NCK2: variants seen among roughly 807,000 people sequenced by gnomAD.
NCK2 encodes cytoplasmic protein NCK2.
In NCK2, 16 loss-of-function variants were observed where a neutral mutation model predicts 33.9. The observed-to-expected ratio is 0.47, with a 90% CI of 0.32 to 0.72. NCK2 has a LOEUF of 0.72. NCK2 is among the 30% of genes least tolerant of loss of function. NCK2 has a pLI of 0.03. For synonymous variants in NCK2, 273 were observed against 239.9 expected (o/e 1.14, Z -1.27); for missense variants, 418 against 537.3 (o/e 0.78, Z 2.19).
intron 1 of NCK2, among the ~76,000 whole-genome samples, chr2:105,776,564 G>A (rs1001137512): frequency 6.6e-6 from 1 of 152,150 alleles, no homozygotes; most frequent in Non-Finnish European, 1.5e-5. Flanking sequence ...GGCCTGGCAG[G>A]GGACCTCTAT....
At chr2:105,750,918 A>G (rs1297686444) in intron 1 of NCK2, among the ~76,000 whole-genome samples, 2 of 152,208 alleles carry the variant, frequency 1.3e-5, no homozygotes, top group Admixed American at 6.5e-5. Flanking sequence ...GTGATCGTGC[A>G]GTCTTTGCCA....
At chr2:105,779,143 C>T (rs1295365729) in intron 1 of NCK2, among the ~76,000 whole-genome samples, 1 of 151,730 alleles carries the variant, frequency 6.6e-6, no homozygotes, top group Non-Finnish European at 1.5e-5. Flanking sequence ...CCTGTCTCTA[C>T]TAAAAATACA....
chr2:105,835,910 C>A (rs1441859272), intron 2 of NCK2, among the ~76,000 whole-genome samples: 2 of 151,404 alleles, frequency 1.3e-5, no homozygotes. Context: ...TTGATCTAGT[C>A]TCTTTTTGAG....
chr2:105,856,970 A>C (rs1235771070), intron 3 of NCK2: 1 of 151,992 alleles, frequency 6.6e-6, no homozygotes, highest in African/African-American at 2.4e-5. Context: ...ACCTTTCACC[A>C]AAGTACCATC....
At chr2:105,771,592 A>G (rs10173137) in intron 1 of NCK2, among the ~76,000 whole-genome samples, 2 of 151,914 alleles carry the variant, frequency 1.3e-5, no homozygotes, top group Non-Finnish European at 2.9e-5. Context: ...AATTTAGACA[A>G]ATATTTCAAG....
At chr2:105,757,801 G>A (rs985287199) in intron 1 of NCK2, among the ~76,000 whole-genome samples, 62 of 152,224 alleles carry the variant, frequency 4.1e-4, no homozygotes, top group African/African-American at 1.5e-3. Flanking sequence ...AGGCCAGGCA[G>A]AATTCATTTG....
chr2:105,788,369 C>G (rs962323037), intron 1 of NCK2, among the ~76,000 whole-genome samples: 1 of 152,106 alleles, frequency 6.6e-6, no homozygotes, highest in South Asian at 2.1e-4. Flanking sequence ...CTATCAACGC[C>G]ATTTAGATGA....
intron 1 of NCK2, among the ~76,000 whole-genome samples, chr2:105,786,614 G>T (rs1242392398): frequency 6.6e-6 from 1 of 152,228 alleles, no homozygotes; most frequent in Non-Finnish European, 1.5e-5. Context: ...ACTCCACATA[G>T]CTGGCTCAGG....
At chr2:105,871,954 T>C (rs1255983215) in intron 3 of NCK2, among the ~76,000 whole-genome samples, 1 of 152,158 alleles carries the variant, frequency 6.6e-6, no homozygotes, top group African/African-American at 2.4e-5. Context: ...TGAGATTTCG[T>C]GCAAGGGAAA....
intron 1 of NCK2, among the ~76,000 whole-genome samples, chr2:105,800,565 A>C (rs1674789348): frequency 6.6e-6 from 1 of 152,164 alleles, no homozygotes; most frequent in Non-Finnish European, 1.5e-5. Context: ...TAGCCCATAG[A>C]AGGCGGAAAC....
At chr2:105,753,164 A>G (rs892112564) in intron 1 of NCK2, among the ~76,000 whole-genome samples, 5 of 152,248 alleles carry the variant, frequency 3.3e-5, no homozygotes, top group African/African-American at 1.2e-4. Context: ...GATTTGAGAA[A>G]CATTGATGGA....
chr2:105,840,243 G>T (rs888245460), intron 2 of NCK2, among the ~76,000 whole-genome samples: 2 of 152,158 alleles, frequency 1.3e-5, no homozygotes, highest in African/African-American at 4.8e-5. Flanking sequence ...ATAGGAGCAG[G>T]TTCCTTCCAG....
intron 3 of NCK2, among the ~76,000 whole-genome samples, chr2:105,871,146 G>A (rs921075959): frequency 6.6e-6 from 1 of 152,086 alleles, no homozygotes; most frequent in Non-Finnish European, 1.5e-5. Flanking sequence ...ATTAATTGCA[G>A]ATGTGTATTG....
At position 105,801,524 on chromosome 2, in the gene NCK2, G is replaced by A. The variant is rs139005239; in HGVS notation, c.-200-14906G>A. Among the ~76,000 whole-genome samples the A allele has an allele frequency of 2.3e-3, 356 of 152,068 alleles. 3 individuals carry two copies. Among genetic ancestry groups the A allele is most frequent in the African/African-American group, 7.9e-3 (329 of 41,480 alleles). ...AAAGCATGACAGAGACCTTTGTCAC[G>A]TGCTGGCTGTAGCAGTCGAGTGAGG... On this transcript the variant is annotated intron_variant, in intron 1 of 4. Transcript: ENST00000233154.
At chr2:105,875,818 A>G (rs1678214047) in intron 3 of NCK2, among the ~76,000 whole-genome samples, 1 of 152,220 alleles carries the variant, frequency 6.6e-6, no homozygotes, top group Non-Finnish European at 1.5e-5. Context: ...TGAACCAATT[A>G]AGATACCATC....
At chr2:105,878,393 C>T (rs191757418) in intron 3 of NCK2, among the ~76,000 whole-genome samples, 29 of 152,312 alleles carry the variant, frequency 1.9e-4, no homozygotes, top group African/African-American at 6.7e-4. Flanking sequence ...GGGGTGGGCC[C>T]TCATCCAGTC....
In NCK2 at chr2:105,786,878, C is replaced by A. The variant is rs560862473; in HGVS notation, c.-200-29552C>A. Among the ~76,000 whole-genome samples the A allele has an allele frequency of 2.2e-5, 3 of 133,600 alleles. No homozygotes were observed. In the South Asian group the frequency reaches 6.5e-4, roughly 29 times the overall value. The allele number at this position is 133,600 out of a possible 152,430, so 87.6% of individuals were successfully genotyped here. On this transcript the variant is annotated intron_variant, in intron 1 of 4. Transcript: ENST00000233154. ...CCTAGCCTTAGGCTGACTCCCTTAC[C>A]TCTGCTGCTCAGGCACCCTCCTTTC...
At chr2:105,870,408 T>C (rs1677950963) in intron 3 of NCK2, among the ~76,000 whole-genome samples, 1 of 152,162 alleles carries the variant, frequency 6.6e-6, no homozygotes, top group Admixed American at 6.5e-5. Flanking sequence ...AACTTGGGGA[T>C]TTTGAATGGC....
chr2:105,755,325 T>A (rs955017967), intron 1 of NCK2, among the ~76,000 whole-genome samples: 3 of 152,178 alleles, frequency 2.0e-5, no homozygotes, highest in Non-Finnish European at 4.4e-5. Context: ...TGATTTTCAT[T>A]TTGAAGCTTT....
Sources: allele counts gnomAD v4.1 joint callset (sites outside exome capture counted in the v4.1 genomes callset), GRCh38; gene constraint gnomAD v4.1.1; transcripts MANE v1.5; gene names NCBI Gene and HGNC (gene_info 2026-07-23, HGNC 2026-07-21).